NWD1: variants seen among roughly 807,000 people sequenced by gnomAD.
The protein encoded by NWD1 is NACHT and WD repeat domain containing 1, also known as NACHT domain- and WD repeat-containing protein 1.
A neutral mutation model predicts 135.1 loss-of-function variants in NWD1; 129 were observed. That is an observed-to-expected ratio of 0.96 (90% CI 0.83 to 1.11). NWD1 has a LOEUF of 1.11. NWD1 is among the 50% of genes least tolerant of loss of function. The pLI, the probability that NWD1 is intolerant of heterozygous loss-of-function variation, is 0.00. For synonymous variants in NWD1, 773 were observed against 786.0 expected, an observed-to-expected ratio of 0.98 and a Z score of 0.28; for missense variants, 1,740 against 1,851.3, an observed-to-expected ratio of 0.94 and a Z score of 1.10.
intron 2 of NWD1, among the ~76,000 whole-genome samples, chr19:16,728,399 C>T (rs1391160925): frequency 1.3e-5 from 2 of 151,238 alleles, no homozygotes; most frequent in Non-Finnish European, 2.9e-5. Context: ...ATTCTCCTGC[C>T]TCAGCCTCCT....
intron 7 of NWD1, 146 bp from the exon 8 acceptor site, chr19:16,761,833 T>C (rs1241401239): frequency 9.1e-6 from 5 of 549,360 alleles, no homozygotes; most frequent in Non-Finnish European, 1.6e-5. Flanking sequence ...AATTTAGAGA[T>C]AGATGTGATG....
In NWD1 at chr19:16,744,731, G is replaced by A. The variant is rs1265823797; in HGVS notation, c.496+13G>A. 6.5e-7 allele frequency: 1 copy of A among 1,534,354 alleles called. No individual in the cohort carries two copies. The highest frequency in any genetic ancestry group is 2.4e-5 in the East Asian group (1 of 40,916). ...TACCACCGGTCAGGTGAGGCCGCAG[G>A]GACTCCCCTCTGGAGACCCACAAGA... is the stretch of plus-strand genomic sequence containing the variant. On this transcript the variant is annotated intron_variant, in intron 5 of 18. Transcript: ENST00000524140.
In NWD1 at chr19:16,750,403, G is replaced by C; in HGVS notation, c.1761G>C (p.Val587=). 1.3e-6 allele frequency: 2 copies of C among 1,556,062 alleles called. No individual in the cohort carries two copies. The highest frequency in any genetic ancestry group is 1.7e-6 in the Non-Finnish European group (2 of 1,154,174). The part of the protein sequence containing the change: ...LLVAHVLGYI[V]SSRHGLSEAE... Reference sequence around the variant, plus strand: ...TGGCCCACGTGCTGGGCTACATTGTGTCTTCCCGGTAAGTCTCTGTGTTTT... The same window carrying C: ...TGGCCCACGTGCTGGGCTACATTGTCTCTTCCCGGTAAGTCTCTGTGTTTT... The change falls in exon 6 of 19, where the codon GTG becomes GTC. Residue 587 remains valine (V), a synonymous_variant. Transcript: ENST00000524140.
chr19:16,810,676 T>A (rs1030736064), intron 18 of NWD1, among the ~76,000 whole-genome samples: 2 of 151,758 alleles, frequency 1.3e-5, no homozygotes, highest in African/African-American at 4.8e-5. Flanking sequence ...GGTGGGAGGA[T>A]CGATTGAGCC....
At chr19:16,721,331 G>A (rs942861315) in intron 1 of NWD1, 2 of 152,176 alleles carry the variant, frequency 1.3e-5, no homozygotes, top group Admixed American at 6.6e-5. Flanking sequence ...CTGGGAGAGA[G>A]ACTAGGAAAA....
intron 18 of NWD1, among the ~76,000 whole-genome samples, chr19:16,814,298 AC>A (rs1971008002): frequency 6.6e-6 from 1 of 152,222 alleles, no homozygotes; most frequent in Non-Finnish European, 1.5e-5. Flanking sequence ...ACAGTGAGTA[AC>A]TAGTAGGCTT....
At chr19:16,809,565 T>C (rs141279879) in intron 18 of NWD1, among the ~76,000 whole-genome samples, 71 of 115,088 alleles carry the variant, frequency 6.2e-4, no homozygotes, top group African/African-American at 3.0e-3. Flanking sequence ...TTTTCTTTTT[T>C]TTTTTTTGAG....
intron 11 of NWD1, among the ~76,000 whole-genome samples, chr19:16,773,893 A>G (rs547592950): frequency 6.8e-6 from 1 of 146,042 alleles, no homozygotes; most frequent in East Asian, 2.0e-4. Context: ...TCATCTATCC[A>G]TCCATCCACC....
At chr19:16,768,796 T>C (rs911491852) in intron 10 of NWD1, among the ~76,000 whole-genome samples, 3 of 152,302 alleles carry the variant, frequency 2.0e-5, no homozygotes, top group Admixed American at 6.5e-5. Context: ...GTATCCAAAG[T>C]GCTTCCCCAT....
intron 18 of NWD1, among the ~76,000 whole-genome samples, chr19:16,809,792 C>T (rs1029587266): frequency 2.0e-5 from 3 of 151,876 alleles, no homozygotes; most frequent in Non-Finnish European, 4.4e-5. Context: ...CTCCTGACCT[C>T]GTGATCCGCC....
At chr19:16,743,685 T>C (rs1968180933) in intron 4 of NWD1, among the ~76,000 whole-genome samples, 1 of 152,016 alleles carries the variant, frequency 6.6e-6, no homozygotes, top group African/African-American at 2.4e-5. Flanking sequence ...AGTTTGTTTA[T>C]TTATTTATTT....
At chr19:16,790,038 T>A (rs2123046832) in intron 13 of NWD1, among the ~76,000 whole-genome samples, 1 of 152,322 alleles carries the variant, frequency 6.6e-6, no homozygotes, top group South Asian at 2.1e-4. Flanking sequence ...TCTCTCTAAA[T>A]GATCTGTGGG....
chr19:16,774,010 C>T (rs1440842509), intron 11 of NWD1, among the ~76,000 whole-genome samples: 4 of 150,960 alleles, frequency 2.6e-5, no homozygotes, highest in Non-Finnish European at 5.9e-5. Context: ...ATCCAATTAC[C>T]CTCCCATCCA....
chr19:16,795,509 C>T (rs1344499459), intron 15 of NWD1, among the ~76,000 whole-genome samples: 4 of 151,664 alleles, frequency 2.6e-5, no homozygotes, highest in Admixed American at 6.6e-5. Flanking sequence ...CTCCACCTCC[C>T]GGGTTCAAGC....
chr19:16,744,828 C>A (rs1443781090), intron 5 of NWD1, 110 bp downstream of exon 5: 3 of 890,904 alleles, frequency 3.4e-6, no homozygotes, highest in Non-Finnish European at 5.3e-6. Flanking sequence ...TTGCAAATGC[C>A]AAACCAGTCA....
At chr19:16,794,290 C>T (rs2608729) in intron 14 of NWD1, among the ~76,000 whole-genome samples, 173 bp from the exon 15 acceptor site, 13,987 of 152,076 alleles carry the variant, frequency 0.092, 1,042 homozygotes, top group African/African-American at 0.2. Flanking sequence ...TGCTTGAACC[C>T]GGGAGGCGGA....
intron 12 of NWD1, among the ~76,000 whole-genome samples, chr19:16,788,511 G>A (rs1970133281): frequency 6.8e-6 from 1 of 146,706 alleles, no homozygotes. Context: ...AGAGGTTGCA[G>A]TGAACCAAGA....
Position 16,807,987 on chromosome 19 carries a change from A to C in NWD1, c.4138A>C (p.Lys1380Gln). ...DLFLYECATSKAFPLETHRSR... is the reference protein window; with the variant it reads ...DLFLYECATSQAFPLETHRSR... ...CTTTCTTTACGAGTGTGCAACTTCC[A>C]AAGCGTTTCCCTTGGAGACCCACAG... Residue 1380 changes from lysine to glutamine, a missense_variant, in exon 18 of 19, where the codon AAA becomes CAA. Lys to Gln is a moderately conservative substitution (Grantham distance 53). Transcript: ENST00000524140. 1 of 1,614,134 alleles carries C rather than the reference A, an allele frequency of 6.2e-7. No individual in the cohort carries two copies. The highest frequency in any genetic ancestry group is 8.5e-7 in the Non-Finnish European group (1 of 1,180,022).
chr19:16,791,526 T>C lies in NWD1; in HGVS notation c.3117T>C (p.His1039=), dbSNP rs1032523864. The change falls in exon 14 of 19, where the codon CAT becomes CAC. Residue 1039 remains histidine, a synonymous_variant. Transcript: ENST00000524140. ...SATGKLQGKQ[H]MSSIKEETPT... The stretch of plus-strand genomic sequence containing the variant: ...CGGGAAAACTTCAGGGGAAGCAACA[T>C]ATGTCCAGCATCAAAGAAGAAACAC... 1.9e-6 allele frequency: 3 copies of C among 1,613,926 alleles called. No individual in the cohort carries two copies. In the African/African-American group the frequency reaches 4.0e-5, roughly 22 times the overall value.
Sources: gnomAD v4.1 joint callset for allele counts (sites outside exome capture counted in the v4.1 genomes callset) on GRCh38, gnomAD v4.1.1 for gene constraint, MANE v1.5 for transcripts, NCBI Gene and HGNC (gene_info 2026-07-23, HGNC 2026-07-21) for gene names.